The following KIAA1958 variants were observed in gnomAD, a reference collection of about 807,000 sequenced individuals.
KIAA1958 encodes the protein KIAA1958, also known as uncharacterized protein KIAA1958.
Under a neutral mutation model 47.2 loss-of-function variants are expected in KIAA1958, and 14 were observed. That is an observed-to-expected ratio of 0.30 (90% CI 0.20 to 0.46). The LOEUF is 0.46. Ranked by LOEUF, KIAA1958 falls within the 20% of genes least tolerant of loss-of-function variation. The probability of loss-of-function intolerance (pLI) is 1.00; values close to 1 mark genes in which losing one functional copy is unlikely to be tolerated. For missense variants in KIAA1958, 803 were observed against 909.2 expected, an observed-to-expected ratio of 0.88 and a Z score of 1.50; for synonymous variants, 354 against 353.3, an observed-to-expected ratio of 1.00 and a Z score of -0.02.
At chr9:112,620,150 G>A (rs1836478530) in intron 2 of KIAA1958, among the ~76,000 whole-genome samples, 1 of 152,010 alleles carries the variant, frequency 6.6e-6, no homozygotes, top group African/African-American at 2.4e-5. Context: ...TTTTTCCAAG[G>A]TCTTTGTTTT....
At chr9:112,551,038 T>TG (rs1432469523) in intron 1 of KIAA1958, among the ~76,000 whole-genome samples, 1 of 141,816 alleles carries the variant, frequency 7.1e-6, no homozygotes, top group African/African-American at 2.6e-5. Flanking sequence ...GCATAGTTGT[T>TG]TTTTTTTTTT....
At chr9:112,513,232 T>G (rs1416077994) in intron 1 of KIAA1958, among the ~76,000 whole-genome samples, 4 of 127,110 alleles carry the variant, frequency 3.1e-5, no homozygotes. Flanking sequence ...CTGGAACTCC[T>G]GACCTCAGGT....
intron 2 of KIAA1958, among the ~76,000 whole-genome samples, chr9:112,603,833 C>G (rs914730856): frequency 2.6e-5 from 4 of 152,184 alleles, no homozygotes; most frequent in African/African-American, 9.7e-5. Context: ...AAATATAAAT[C>G]TGCTCGCCAG....
chr9:112,564,104 G>A (rs1007426143), intron 1 of KIAA1958, among the ~76,000 whole-genome samples: 2 of 152,026 alleles, frequency 1.3e-5, no homozygotes, highest in Admixed American at 6.6e-5. Flanking sequence ...TATTATATTG[G>A]CTTTGTCAGG....
chr9:112,517,478 T>C (rs2132790300), intron 1 of KIAA1958, among the ~76,000 whole-genome samples: 1 of 152,344 alleles, frequency 6.6e-6, no homozygotes, highest in South Asian at 2.1e-4. Flanking sequence ...TAAAACCTAA[T>C]ATTGTAAAAT....
rs1835409061 is a variant in KIAA1958, at chr9:112,565,343, A to G, written c.-24-8714A>G. On this transcript the variant is annotated intron_variant, in intron 1 of 3. Coordinates refer to ENST00000337530, the MANE Select transcript of KIAA1958 (RefSeq NM_133465.4). Reference sequence around the variant, plus strand: ...GGTCTCAAACCCCTGGGCTCAAACAATCCTCCTTCTTTGGCCTCCCAAAGT... The same window carrying G: ...GGTCTCAAACCCCTGGGCTCAAACAGTCCTCCTTCTTTGGCCTCCCAAAGT... 2.0e-5 allele frequency among the ~76,000 whole-genome samples: 3 copies of G among 152,170 alleles called. No individual in the cohort carries two copies. The South Asian group carries it at 6.2e-4, about 32-fold the overall frequency.
Position 112,618,483 on chromosome 9 carries a change from A to C in KIAA1958, c.1172-27167A>C. ...CAGGACACTGGAGACTTGAATGCCA[A>C]AACCAAGAGAGGGGGGACAGACTCC... is the stretch of plus-strand genomic sequence containing the variant. On this transcript the variant is annotated intron_variant, in intron 2 of 3. Coordinates refer to ENST00000337530, the MANE Select transcript of KIAA1958 (RefSeq NM_133465.4). The surrounding 1 kb of genome is among the most constrained non-coding windows in gnomAD (Gnocchi z 7.1). The C allele has an allele frequency of 6.4e-7, 1 of 1,550,806 alleles. No homozygotes were observed. The highest frequency in any genetic ancestry group is 8.7e-7 in the Non-Finnish European group (1 of 1,147,036).
intron 1 of KIAA1958, among the ~76,000 whole-genome samples, chr9:112,493,262 T>C (rs1270837311): frequency 1.3e-5 from 2 of 152,138 alleles, no homozygotes; most frequent in Non-Finnish European, 2.9e-5. Context: ...ATCTAATATC[T>C]AGTCGGGGCT....
intron 1 of KIAA1958, among the ~76,000 whole-genome samples, chr9:112,530,776 T>TTA (rs1014400707): frequency 9.2e-5 from 14 of 152,230 alleles, no homozygotes; most frequent in African/African-American, 2.9e-4. Context: ...GTTTCAGTGA[T>TTA]TATATATTCT....
At position 112,663,588 on chromosome 9, in the gene KIAA1958, C is replaced by T. The variant is rs1225951693; in HGVS notation, c.*3519C>T. On this transcript the variant is annotated 3_prime_UTR_variant, in exon 4 of 4. Coordinates refer to ENST00000337530, the MANE Select transcript of KIAA1958 (RefSeq NM_133465.4). Reference sequence around the variant, plus strand: ...CCAACACAGCCAAGCTCTGATACCTCAGATATAAGCAAAAACAAGTGAAGG... The same window carrying T: ...CCAACACAGCCAAGCTCTGATACCTTAGATATAAGCAAAAACAAGTGAAGG... The T allele has an allele frequency of 1.3e-5, 2 of 152,130 alleles. No homozygotes were observed. 9.4% of individuals were successfully genotyped at this position (152,130 alleles called of 1,614,324 possible). A position where few individuals can be genotyped will look rare whatever the true frequency, so the allele number is the denominator to read the frequency against.
intron 1 of KIAA1958, among the ~76,000 whole-genome samples, chr9:112,571,167 C>T (rs774348678): frequency 1.6e-4 from 25 of 152,332 alleles, no homozygotes; most frequent in Non-Finnish European, 3.1e-4. Flanking sequence ...GACACACCCC[C>T]AAATAATGCT....
At chr9:112,568,063 A>C (rs770565616) in intron 1 of KIAA1958, among the ~76,000 whole-genome samples, 1 of 152,192 alleles carries the variant, frequency 6.6e-6, no homozygotes, top group Non-Finnish European at 1.5e-5. Flanking sequence ...TATTTGAGAA[A>C]CATAAAAACA....
At chr9:112,518,634 G>GT (rs1194439930) in intron 1 of KIAA1958, among the ~76,000 whole-genome samples, 3 of 152,050 alleles carry the variant, frequency 2.0e-5, no homozygotes, top group East Asian at 1.9e-4. Flanking sequence ...GTGTATGTTC[G>GT]TTTTTTCTAA....
rs1317866575 is a variant in KIAA1958 at position 112,486,995 on chromosome 9, T to C, written c.-148T>C. On this transcript the variant is annotated 5_prime_UTR_variant, in exon 1 of 4. Coordinates refer to ENST00000337530, the MANE Select transcript of KIAA1958 (RefSeq NM_133465.4). ...TCCACTTACCTTTGGTGCCCGGCCCTCTGGCCGCTCTCCTCCCGCCCTCGC... is the reference window on the plus strand; with the variant it reads ...TCCACTTACCTTTGGTGCCCGGCCCCCTGGCCGCTCTCCTCCCGCCCTCGC... The C allele has an allele frequency of 5.6e-6, 1 of 177,602 alleles. No homozygotes were observed. Among genetic ancestry groups the C allele is most frequent in the Non-Finnish European group, 1.2e-5 (1 of 85,036 alleles). 11.0% of individuals were successfully genotyped at this position (177,602 alleles called of 1,614,324 possible). A position where few individuals can be genotyped will look rare whatever the true frequency, so the allele number is the denominator to read the frequency against.
chr9:112,609,631 A>G (rs755413675), intron 2 of KIAA1958, among the ~76,000 whole-genome samples: 2 of 152,174 alleles, frequency 1.3e-5, no homozygotes, highest in Non-Finnish European at 2.9e-5. Context: ...GACTCACTGC[A>G]GTCTCAACCT....
chr9:112,590,283 C>T (rs1360287193), intron 2 of KIAA1958, among the ~76,000 whole-genome samples: 2 of 151,912 alleles, frequency 1.3e-5, no homozygotes, highest in African/African-American at 2.4e-5. Context: ...CATCAAGTCT[C>T]CTCCAAAGCT....
At chr9:112,527,117 G>C (rs1461155971) in intron 1 of KIAA1958, among the ~76,000 whole-genome samples, 1 of 152,050 alleles carries the variant, frequency 6.6e-6, no homozygotes, top group Non-Finnish European at 1.5e-5. Context: ...TTTAGAGATA[G>C]GGTTACTCTG....
In KIAA1958 at chr9:112,665,949, T is replaced by A. The variant is rs1414797298; in HGVS notation, c.*5880T>A. The A allele has an allele frequency of 1.3e-5, 2 of 152,200 alleles. No individual in the cohort carries two copies. The highest frequency in any genetic ancestry group is 2.9e-5 in the Non-Finnish European group (2 of 68,018). The allele number at this position is 152,200 out of a possible 1,614,324, so 9.4% of individuals were successfully genotyped here. Reference sequence around the variant, plus strand: ...CATTTAATTTTGGTCAGAGGATTTTTATAATCTGTAGGCTATAGCACTGTC... The same window carrying A: ...CATTTAATTTTGGTCAGAGGATTTTAATAATCTGTAGGCTATAGCACTGTC... On this transcript the variant is annotated 3_prime_UTR_variant, in exon 4 of 4. Coordinates refer to ENST00000337530, the MANE Select transcript of KIAA1958 (RefSeq NM_133465.4).
intron 2 of KIAA1958, among the ~76,000 whole-genome samples, chr9:112,584,524 T>C (rs564976019): frequency 6.6e-6 from 1 of 152,344 alleles, no homozygotes; most frequent in South Asian, 2.1e-4. Flanking sequence ...TGTCTTCTAG[T>C]ATATTTGTTT....
Sources: gnomAD v4.1 joint callset for allele counts (sites outside exome capture counted in the v4.1 genomes callset) on GRCh38, gnomAD v4.1.1 for gene constraint, Gnocchi (gnomAD v3.1) non-coding constraint, MANE v1.5 for transcripts, NCBI Gene and HGNC (gene_info 2026-07-23, HGNC 2026-07-21) for gene names.